The following ELAPOR2 variants were observed in gnomAD, a reference collection of about 807,000 sequenced individuals.
ELAPOR2 encodes endosome/lysosome-associated apoptosis and autophagy regulator family member 2.
A neutral mutation model predicts 120.7 loss-of-function variants in ELAPOR2; 89 were observed. The observed-to-expected ratio is 0.74, with a 90% CI of 0.62 to 0.88. The LOEUF (loss-of-function observed/expected upper bound fraction) is 0.88, where lower values mean the gene tolerates loss of function less well. Among genes scored for constraint, ELAPOR2 ranks in the 40% least tolerant of loss-of-function variants. ELAPOR2 has a pLI of 0.00. For missense variants in ELAPOR2, 1,134 were observed against 1,251.6 expected (o/e 0.91, Z 1.42); for synonymous variants, 444 against 444.9 (o/e 1.00, Z 0.03).
At chr7:86,897,888 A>T (rs539650875) in intron 18 of ELAPOR2, among the ~76,000 whole-genome samples, 12 of 152,282 alleles carry the variant, frequency 7.9e-5, no homozygotes, top group Admixed American at 7.9e-4. Flanking sequence ...ATGCATGCAC[A>T]GCTGATAGGA....
chr7:86,909,426 T>C (rs1789189387), intron 16 of ELAPOR2, among the ~76,000 whole-genome samples: 1 of 152,114 alleles, frequency 6.6e-6, no homozygotes, highest in Non-Finnish European at 1.5e-5. Flanking sequence ...ACCTGCTTCC[T>C]TTTGGTATGA....
intron 1 of ELAPOR2, among the ~76,000 whole-genome samples, chr7:87,043,954 T>C (rs1794864537): frequency 6.6e-6 from 1 of 151,462 alleles, no homozygotes; most frequent in South Asian, 2.1e-4. Flanking sequence ...CAAGCATTCT[T>C]ATACACCAAC....
chr7:86,905,131 G>GGAAAGAAAGA (rs1562910052), intron 18 of ELAPOR2, among the ~76,000 whole-genome samples: 1 of 142,156 alleles, frequency 7.0e-6, no homozygotes. Context: ...AGGAAGGAAA[G>GGAAAGAAAGA]AAAGAAAAGA....
chr7:86,958,114 C>T (rs1233015005), intron 2 of ELAPOR2, among the ~76,000 whole-genome samples: 1 of 152,110 alleles, frequency 6.6e-6, no homozygotes, highest in African/African-American at 2.4e-5. Context: ...GCAGTGTATT[C>T]CAAAGAGACA....
At chr7:86,989,843 C>T (rs1292700117) in intron 1 of ELAPOR2, among the ~76,000 whole-genome samples, 1 of 150,226 alleles carries the variant, frequency 6.7e-6, no homozygotes, top group Non-Finnish European at 1.5e-5. Context: ...ATTATAAGTC[C>T]CTAAAATTCA....
At chr7:87,015,680 C>G (rs544293355) in intron 1 of ELAPOR2, among the ~76,000 whole-genome samples, 2 of 151,996 alleles carry the variant, frequency 1.3e-5, no homozygotes. Context: ...CCCAGCTACT[C>G]GGGAGGCTGA....
chr7:86,884,045 A>T (rs2115745731), intron 21 of ELAPOR2, among the ~76,000 whole-genome samples: 1 of 152,312 alleles, frequency 6.6e-6, no homozygotes, highest in East Asian at 1.9e-4. Context: ...ATACAAATAT[A>T]ATAAAATTTG....
chr7:86,956,684 C>T (rs1791484121), intron 2 of ELAPOR2, among the ~76,000 whole-genome samples: 1 of 152,070 alleles, frequency 6.6e-6, no homozygotes, highest in Non-Finnish European at 1.5e-5. Flanking sequence ...TCTGAAAGAA[C>T]AAAACAGAAA....
chr7:86,960,439 G>A (rs1181933129), intron 2 of ELAPOR2, among the ~76,000 whole-genome samples: 1 of 152,042 alleles, frequency 6.6e-6, no homozygotes, highest in Non-Finnish European at 1.5e-5. Context: ...TTTTAGTAGA[G>A]ACGGGGTTTC....
chr7:86,948,857 T>C (rs1584385236), intron 2 of ELAPOR2, among the ~76,000 whole-genome samples: 1 of 152,260 alleles, frequency 6.6e-6, no homozygotes, highest in East Asian at 1.9e-4. Context: ...AATCCTTTAA[T>C]CAGGATATTA....
At position 86,879,514 on chromosome 7, in the gene ELAPOR2, T is replaced by C. The variant is rs891973066; in HGVS notation, c.*957A>G. On this transcript the variant is annotated 3_prime_UTR_variant, in exon 22 of 22. Coordinates refer to ENST00000450689, the MANE Select transcript of ELAPOR2 (RefSeq NM_001142749.3). ...AAAATAACCATATAACCTCTGGTGC[T>C]TGACAAAGAACAAAAGTCCCACTGA... 7.9e-5 allele frequency: 12 copies of C among 152,164 alleles called. No individual in the cohort carries two copies. The highest frequency in any genetic ancestry group is 4.1e-4 in the South Asian group (2 of 4,828). The allele number at this position is 152,164 out of a possible 1,614,324, so 9.4% of individuals were successfully genotyped here. A position where few individuals can be genotyped will look rare whatever the true frequency, so the allele number is the denominator to read the frequency against.
At chr7:87,012,137 C>T (rs146209765) in intron 1 of ELAPOR2, among the ~76,000 whole-genome samples, 12 of 152,090 alleles carry the variant, frequency 7.9e-5, no homozygotes, top group South Asian at 2.1e-4. Context: ...TCTGGCCGGG[C>T]GTGGTGGCTC....
At chr7:86,998,828 T>G (rs1357194749) in intron 1 of ELAPOR2, among the ~76,000 whole-genome samples, 3 of 149,516 alleles carry the variant, frequency 2.0e-5, no homozygotes, top group Admixed American at 6.7e-5. Flanking sequence ...CAATTCTTTT[T>G]AGAATTCCAT....
At chr7:86,907,908 T>G in intron 17 of ELAPOR2, 137 bp from the exon 18 acceptor site, 1 of 469,346 alleles carries the variant, frequency 2.1e-6, no homozygotes, top group Non-Finnish European at 3.6e-6. Flanking sequence ...ATTTGTAATT[T>G]TAATACAAAT....
intron 12 of ELAPOR2, among the ~76,000 whole-genome samples, 154 bp downstream of exon 12, chr7:86,918,288 C>T (rs773820755): frequency 9.3e-6 from 1 of 107,640 alleles, no homozygotes; most frequent in Non-Finnish European, 1.7e-5. Context: ...TTTCTTCAGA[C>T]ATTTGTTAAT....
At chr7:87,048,867 G>A (rs536657464) in intron 1 of ELAPOR2, among the ~76,000 whole-genome samples, 55 of 152,278 alleles carry the variant, frequency 3.6e-4, no homozygotes, top group Admixed American at 9.8e-4. Flanking sequence ...GTGTTGTCCA[G>A]AGTATACAGT....
intron 1 of ELAPOR2, among the ~76,000 whole-genome samples, chr7:87,036,370 A>G (rs187831328): frequency 6.6e-6 from 1 of 152,096 alleles, no homozygotes; most frequent in Admixed American, 6.6e-5. Flanking sequence ...TGTAGTCCCA[A>G]CTACTCGGGA....
At chr7:86,896,515 T>A (rs78744990) in intron 19 of ELAPOR2, among the ~76,000 whole-genome samples, 1 of 152,194 alleles carries the variant, frequency 6.6e-6, no homozygotes, top group Non-Finnish European at 1.5e-5. Context: ...AACTGCAAGC[T>A]CTTCAAGACC....
At position 86,918,479 on chromosome 7, in the gene ELAPOR2, G is replaced by T. The variant is rs766106123; in HGVS notation, c.1556C>A (p.Thr519Asn). 6.2e-7 allele frequency: 1 copy of T among 1,613,240 alleles called. No individual in the cohort carries two copies. The highest frequency in any genetic ancestry group is 8.5e-7 in the Non-Finnish European group (1 of 1,179,436). Reference sequence around the variant, plus strand: ...CAAAACACAGTCAGCTGAACAGAGGGTCTCAAAGACAAATGTTATTCTTCC... The same window carrying T: ...CAAAACACAGTCAGCTGAACAGAGGTTCTCAAAGACAAATGTTATTCTTCC... Reference protein sequence around the residue: ...ELGRITFVFETLCSADCVLYF... With the variant: ...ELGRITFVFENLCSADCVLYF... The change falls in exon 12 of 22, where the codon ACC becomes AAC. Residue 519 changes from threonine (T) to asparagine (N), a missense_variant. Around this residue, in one of 3 missense-constraint regions of ELAPOR2, gnomAD observed 831 missense variants for 867.6 expected, o/e 0.96. Coordinates refer to ENST00000450689, the MANE Select transcript of ELAPOR2 (RefSeq NM_001142749.3).
Sources: allele counts gnomAD v4.1 joint callset (sites outside exome capture counted in the v4.1 genomes callset), GRCh38; gene constraint gnomAD v4.1.1; regional missense constraint gnomAD v4.1.1; transcripts MANE v1.5; gene names NCBI Gene and HGNC (gene_info 2026-07-23, HGNC 2026-07-21).